Variants in XKR6 observed in about 807,000 individuals in gnomAD.
XKR6 encodes the protein XK related 6.
In XKR6, 22 loss-of-function variants were observed where a neutral mutation model predicts 56.7. The observed-to-expected ratio is 0.39, with a 90% confidence interval of 0.28 to 0.55. The LOEUF is 0.55. Ranked by LOEUF, XKR6 falls within the 20% of genes least tolerant of loss-of-function variation. The pLI, the probability that XKR6 is intolerant of heterozygous loss-of-function variation, is 0.66. For synonymous variants in XKR6, 524 were observed against 387.8 expected, an observed-to-expected ratio of 1.35 and a Z score of -4.13; for missense variants, 852 against 889.0, an observed-to-expected ratio of 0.96 and a Z score of 0.53.
At chr8:11,063,043 C>T (rs748709560) in intron 1 of XKR6, 9 of 356,056 alleles carry the variant, frequency 2.5e-5, no homozygotes, top group Admixed American at 1.9e-4. Context: ...GGCATTTGGA[C>T]TCCTATATGG....
At chr8:11,075,090 G>C (rs1045942297) in intron 1 of XKR6, among the ~76,000 whole-genome samples, 10 of 152,166 alleles carry the variant, frequency 6.6e-5, no homozygotes, top group Non-Finnish European at 1.0e-4. Flanking sequence ...GGAGGGAAGA[G>C]GATGCTGCCC....
At chr8:11,032,723 G>C (rs970353062) in intron 1 of XKR6, among the ~76,000 whole-genome samples, 1 of 152,172 alleles carries the variant, frequency 6.6e-6, no homozygotes, top group Non-Finnish European at 1.5e-5. Context: ...ACTGCAGCTA[G>C]GGGTCTGCTC....
At chr8:10,935,558 C>G (rs1254066879) in intron 1 of XKR6, among the ~76,000 whole-genome samples, 2 of 148,008 alleles carry the variant, frequency 1.4e-5, no homozygotes, top group Non-Finnish European at 3.0e-5. Context: ...TTTCCCTCTA[C>G]ACACTGCTTT....
At chr8:10,982,260 G>A (rs1297490748) in intron 1 of XKR6, among the ~76,000 whole-genome samples, 1 of 152,180 alleles carries the variant, frequency 6.6e-6, no homozygotes, top group Non-Finnish European at 1.5e-5. Flanking sequence ...TCTCCCAGTT[G>A]AAAATCATTT....
chr8:10,952,186 C>G (rs578011843), intron 1 of XKR6, among the ~76,000 whole-genome samples: 4 of 152,290 alleles, frequency 2.6e-5, no homozygotes, highest in African/African-American at 9.6e-5. Flanking sequence ...AAGCCCCTGC[C>G]CAGGAAGGGG....
chr8:10,981,946 A>G (rs1797744524), intron 1 of XKR6, among the ~76,000 whole-genome samples: 1 of 152,246 alleles, frequency 6.6e-6, no homozygotes. Flanking sequence ...GATTAAGGCT[A>G]TTCACAATTC....
At chr8:11,012,215 A>G (rs976446984) in intron 1 of XKR6, among the ~76,000 whole-genome samples, 1 of 152,190 alleles carries the variant, frequency 6.6e-6, no homozygotes, top group Non-Finnish European at 1.5e-5. Context: ...CAGCCCTGAC[A>G]GCCAGCATGG....
intron 1 of XKR6, among the ~76,000 whole-genome samples, chr8:11,056,952 G>T (rs1267562825): frequency 6.6e-6 from 1 of 152,178 alleles, no homozygotes; most frequent in Non-Finnish European, 1.5e-5. Context: ...CCACAGGCAA[G>T]GTGGATTCTA....
intron 1 of XKR6, among the ~76,000 whole-genome samples, chr8:11,122,533 G>C (rs1375324739): frequency 6.6e-6 from 1 of 152,236 alleles, no homozygotes; most frequent in Non-Finnish European, 1.5e-5. Flanking sequence ...TAGCCAATGG[G>C]TGCGTAAGCA....
intron 1 of XKR6, among the ~76,000 whole-genome samples, chr8:10,977,146 A>G (rs1246073698): frequency 6.6e-6 from 1 of 152,054 alleles, no homozygotes; most frequent in African/African-American, 2.4e-5. Flanking sequence ...CTCCCTTTAC[A>G]AGCAGCCTCA....
chr8:10,926,389 T>C lies in XKR6; in HGVS notation c.765-1559A>G, dbSNP rs978803355. ...GCAGTAAGCCCCGCTCACCAACTGATGAGGGGTGCCCGGCTTCTCTCTAGA... is the reference window on the plus strand; with the variant it reads ...GCAGTAAGCCCCGCTCACCAACTGACGAGGGGTGCCCGGCTTCTCTCTAGA... On this transcript the variant is annotated intron_variant, in intron 1 of 2. Coordinates refer to ENST00000416569, the MANE Select transcript of XKR6 (RefSeq NM_173683.4). 2.6e-5 allele frequency among the ~76,000 whole-genome samples: 4 copies of C among 152,132 alleles called. No homozygotes were observed. In the South Asian group the frequency reaches 8.3e-4, roughly 32 times the overall value.
chr8:10,961,298 C>G (rs998760792), intron 1 of XKR6, among the ~76,000 whole-genome samples: 6 of 152,244 alleles, frequency 3.9e-5, no homozygotes, highest in Non-Finnish European at 5.9e-5. Flanking sequence ...GGCCATGTGG[C>G]AGCCAGTTGC....
intron 1 of XKR6, chr8:11,035,308 T>C (rs1799112319): frequency 1.9e-6 from 1 of 534,696 alleles, no homozygotes; most frequent in Non-Finnish European, 3.8e-6. Flanking sequence ...CAAGCCATCT[T>C]CCTGCGTTGT....
chr8:10,947,851 A>G (rs1801597736), intron 1 of XKR6, among the ~76,000 whole-genome samples: 1 of 152,166 alleles, frequency 6.6e-6, no homozygotes, highest in South Asian at 2.1e-4. Context: ...TGGGGATGTG[A>G]TCACACAGGT....
At chr8:10,951,300 G>GC (rs988183717) in intron 1 of XKR6, among the ~76,000 whole-genome samples, 1 of 122,310 alleles carries the variant, frequency 8.2e-6, no homozygotes, top group Non-Finnish European at 1.6e-5. Flanking sequence ...TGTGTGTGTG[G>GC]GGGGGGGGGG....
intron 1 of XKR6, among the ~76,000 whole-genome samples, chr8:11,136,200 G>A (rs910435057): frequency 1.3e-5 from 2 of 152,186 alleles, no homozygotes; most frequent in Non-Finnish European, 2.9e-5. Context: ...TCCATTACTA[G>A]GGACTGAATG....
chr8:11,024,674 C>T (rs955941992), intron 1 of XKR6, among the ~76,000 whole-genome samples: 1 of 152,250 alleles, frequency 6.6e-6, no homozygotes, highest in African/African-American at 2.4e-5. Context: ...CTTGCTCCCA[C>T]ATTTCCACCA....
intron 1 of XKR6, among the ~76,000 whole-genome samples, chr8:10,975,897 C>A (rs745849379): frequency 4.6e-5 from 7 of 152,192 alleles, no homozygotes; most frequent in African/African-American, 7.2e-5. Flanking sequence ...AAAGCGCCCA[C>A]CACGCAGTGG....
chr8:10,926,123 T>C (rs1800873086), intron 1 of XKR6, among the ~76,000 whole-genome samples: 1 of 152,182 alleles, frequency 6.6e-6, no homozygotes, highest in African/African-American at 2.4e-5. Flanking sequence ...ATTCAGTGCA[T>C]GGCTGACACC....
Sources: gnomAD v4.1 joint callset for allele counts (sites outside exome capture counted in the v4.1 genomes callset) on GRCh38, gnomAD v4.1.1 for gene constraint, MANE v1.5 for transcripts, NCBI Gene and HGNC (gene_info 2026-07-23, HGNC 2026-07-21) for gene names.